XKR6: variants seen among roughly 807,000 people sequenced by gnomAD.
The protein encoded by XKR6 is XK related 6.
A neutral mutation model predicts 56.7 loss-of-function variants in XKR6; 22 were observed. That is an observed-to-expected ratio of 0.39 (90% CI 0.28 to 0.55). The LOEUF is 0.55. Among genes scored for constraint, XKR6 ranks in the 20% least tolerant of loss-of-function variants. The pLI is 0.66. For missense variants in XKR6, 852 were observed against 889.0 expected (o/e 0.96, Z 0.53); for synonymous variants, 524 against 387.8 (o/e 1.35, Z -4.13).
rs1365866317 is a variant in XKR6, at chr8:10,924,759, G to C, written c.836C>G (p.Ala279Gly). 1 of 1,614,106 alleles carries C rather than the reference G, an allele frequency of 6.2e-7. No homozygotes were observed. The highest frequency in any genetic ancestry group is 8.5e-7 in the Non-Finnish European group (1 of 1,180,010). ...GACGTCTGCATATTCATACATCATA[G>C]CCCAGTAGAAGCGTCGCTGGTGTTC... ...RKEHQRRFYW[A>G]MMYEYADVNM... The change falls in exon 2 of 3, where the codon GCT (alanine) becomes GGT (glycine). Residue 279 changes from alanine to glycine, a missense_variant. By Grantham distance (60) the Ala-to-Gly change is moderately conservative. Transcript: ENST00000416569.
At chr8:10,916,052 T>G (rs1800555288) in intron 2 of XKR6, among the ~76,000 whole-genome samples, 1 of 152,202 alleles carries the variant, frequency 6.6e-6, no homozygotes, top group Non-Finnish European at 1.5e-5. Context: ...GAGTGTTCCT[T>G]GGAGACACCT....
intron 1 of XKR6, among the ~76,000 whole-genome samples, chr8:10,947,356 G>C (rs867877199): frequency 1.3e-5 from 2 of 152,182 alleles, no homozygotes; most frequent in Non-Finnish European, 2.9e-5. Flanking sequence ...GCCCATGTGC[G>C]TGTCTCTATG....
At chr8:11,050,452 A>G (rs924904479) in intron 1 of XKR6, among the ~76,000 whole-genome samples, 9 of 152,256 alleles carry the variant, frequency 5.9e-5, no homozygotes, top group African/African-American at 2.2e-4. Context: ...TCTATGAAGA[A>G]CAATGAGAAA....
chr8:11,201,376 G>C lies in XKR6; in HGVS notation c.-37C>G, dbSNP rs773419439. The C allele has an allele frequency of 3.3e-5, 39 of 1,195,436 alleles. 2 individuals carry two copies. The South Asian group carries it at 3.6e-4, about 11-fold the overall frequency. The allele number at this position is 1,195,436 out of a possible 1,614,324, so 74.1% of individuals were successfully genotyped here. On this transcript the variant is annotated 5_prime_UTR_variant, in exon 1 of 3. Transcript: ENST00000416569. The stretch of plus-strand genomic sequence containing the variant: ...TCCCAGCTCCGGAGGTTGGGGGGGA[G>C]GGACGGCGGGGGGGGGGGGAAGAAG...
intron 1 of XKR6, among the ~76,000 whole-genome samples, chr8:11,148,027 T>C (rs1277682409): frequency 1.1e-4 from 17 of 152,042 alleles, no homozygotes; most frequent in South Asian, 2.1e-4. Context: ...CTGACCAACA[T>C]GGTGAAACCC....
intron 1 of XKR6, among the ~76,000 whole-genome samples, chr8:11,154,776 C>G (rs79251229): frequency 0.02 from 3,022 of 152,304 alleles, 117 homozygotes; most frequent in African/African-American, 0.07. Context: ...TAAACAGGGT[C>G]TACCCTTCAA....
intron 1 of XKR6, among the ~76,000 whole-genome samples, chr8:11,021,180 T>C (rs1344507847): frequency 6.6e-6 from 1 of 152,182 alleles, no homozygotes; most frequent in Non-Finnish European, 1.5e-5. Context: ...AGAAACTCTG[T>C]GTCCTAAGAC....
chr8:11,116,358 A>T (rs909749735), intron 1 of XKR6, among the ~76,000 whole-genome samples: 13 of 152,118 alleles, frequency 8.5e-5, no homozygotes, highest in African/African-American at 2.4e-4. Flanking sequence ...CCCACAGCTC[A>T]ACTCTTACTT....
chr8:10,932,417 TTC>T (rs1353854043), intron 1 of XKR6, among the ~76,000 whole-genome samples: 1 of 113,702 alleles, frequency 8.8e-6, no homozygotes, highest in Admixed American at 7.6e-5. Context: ...AGCAGTTATT[TTC>T]TTTTTCTTTT....
At chr8:11,019,564 C>T (rs374952000) in intron 1 of XKR6, among the ~76,000 whole-genome samples, 171 of 152,326 alleles carry the variant, frequency 1.1e-3, no homozygotes, top group African/African-American at 3.9e-3. Flanking sequence ...GCTGCTAGAA[C>T]GCGCAGGTGA....
intron 1 of XKR6, among the ~76,000 whole-genome samples, chr8:10,988,967 C>T (rs1797926840): frequency 1.3e-5 from 2 of 152,230 alleles, no homozygotes; most frequent in African/African-American, 4.8e-5. Context: ...ATCCTGGACA[C>T]ATAAAATACT....
chr8:10,952,095 C>G (rs993457168), intron 1 of XKR6, among the ~76,000 whole-genome samples: 1 of 152,190 alleles, frequency 6.6e-6, no homozygotes, highest in Non-Finnish European at 1.5e-5. Flanking sequence ...CCTCCTGCAG[C>G]CCTCCTGCCC....
intron 1 of XKR6, among the ~76,000 whole-genome samples, chr8:10,926,764 G>A (rs1359171334): frequency 6.6e-6 from 1 of 152,254 alleles, no homozygotes; most frequent in Non-Finnish European, 1.5e-5. Context: ...TCTGCCACCT[G>A]CTGACTGTGG....
chr8:10,926,308 C>A (rs1167107308), intron 1 of XKR6, among the ~76,000 whole-genome samples: 1 of 152,186 alleles, frequency 6.6e-6, no homozygotes, highest in Admixed American at 6.5e-5. Flanking sequence ...CCAGAACAAC[C>A]CATTCTTCAC....
At chr8:11,056,594 C>T (rs531742337) in intron 1 of XKR6, among the ~76,000 whole-genome samples, 185 of 152,308 alleles carry the variant, frequency 1.2e-3, no homozygotes, top group African/African-American at 3.2e-3. Context: ...CCAGCTTCCC[C>T]GGAACTGGGG....
chr8:11,113,226 T>A (rs1414460680), intron 1 of XKR6, among the ~76,000 whole-genome samples: 1 of 152,208 alleles, frequency 6.6e-6, no homozygotes, highest in Non-Finnish European at 1.5e-5. Context: ...TTTGAAATAA[T>A]AGCTTAGTGT....
At chr8:11,002,050 C>T (rs1798251960) in intron 1 of XKR6, among the ~76,000 whole-genome samples, 1 of 148,176 alleles carries the variant, frequency 6.7e-6, no homozygotes, top group Non-Finnish European at 1.5e-5. Flanking sequence ...AAATCCATGT[C>T]GTTACCATGT....
chr8:10,954,507 G>A (rs1034152690), intron 1 of XKR6, among the ~76,000 whole-genome samples: 4 of 152,110 alleles, frequency 2.6e-5, no homozygotes, highest in South Asian at 4.2e-4. Flanking sequence ...TATTAATTGG[G>A]TTTTCTCTTT....
chr8:10,951,067 C>T lies in XKR6; in HGVS notation c.765-26237G>A, dbSNP rs1014369341. ...GCTTTCCAAATTGTCAAGCGCCAGACGGAGTCACCCATCCATCCACGACCC... is the reference window on the plus strand; with the variant it reads ...GCTTTCCAAATTGTCAAGCGCCAGATGGAGTCACCCATCCATCCACGACCC... On this transcript the variant is annotated intron_variant, in intron 1 of 2. Transcript: ENST00000416569. 3.3e-5 allele frequency among the ~76,000 whole-genome samples: 5 copies of T among 152,172 alleles called. 1 individual carries two copies. The highest frequency in any genetic ancestry group is 6.5e-5 in the Admixed American group (1 of 15,282).
Sources: allele counts gnomAD v4.1 joint callset (sites outside exome capture counted in the v4.1 genomes callset), GRCh38; gene constraint gnomAD v4.1.1; transcripts MANE v1.5; gene names NCBI Gene and HGNC (gene_info 2026-07-23, HGNC 2026-07-21).